Variants in ARHGAP27 observed in about 807,000 individuals in gnomAD.
The protein encoded by ARHGAP27 is Rho GTPase activating protein 27.
In ARHGAP27, 53 loss-of-function variants were observed where a neutral mutation model predicts 102.0. The ratio of observed to expected loss-of-function variants is 0.52; its 90% CI spans 0.42 to 0.65. The LOEUF is 0.65. Among genes scored for constraint, ARHGAP27 ranks in the 30% least tolerant of loss-of-function variants. The pLI is 0.00. For missense variants in ARHGAP27, 1,117 were observed against 1,256.2 expected, an observed-to-expected ratio of 0.89 and a Z score of 1.68; for synonymous variants, 525 against 542.8, an observed-to-expected ratio of 0.97 and a Z score of 0.46.
chr17:45,405,145 C>A (rs1377966550), intron 5 of ARHGAP27, 39 bp from the exon 6 acceptor site: 1 of 1,526,018 alleles, frequency 6.6e-7, no homozygotes, highest in Admixed American at 2.0e-5. Flanking sequence ...GCTCTGAGTG[C>A]CAGTACTGCC....
chr17:45,406,946 C>T (rs1365407027), intron 4 of ARHGAP27, among the ~76,000 whole-genome samples: 1 of 152,124 alleles, frequency 6.6e-6, no homozygotes, highest in African/African-American at 2.4e-5. Flanking sequence ...AATGGAGGGG[C>T]AAAGAGAGGT....
intron 4 of ARHGAP27, among the ~76,000 whole-genome samples, chr17:45,411,512 C>T (rs2047905475): frequency 2.6e-5 from 4 of 152,168 alleles, no homozygotes; most frequent in South Asian, 2.1e-4. Flanking sequence ...GGGACAAGGA[C>T]CCCAAGCAGA....
In ARHGAP27 at chr17:45,395,509, G is replaced by C. The variant is rs1275507758; in HGVS notation, c.2617C>G (p.Gln873Glu). Residue 873 changes from glutamine (Q) to glutamate (E), a missense_variant, in exon 20 of 20, where the codon CAG (glutamine) becomes GAG (glutamate). Physicochemically the swap from Gln to Glu is conservative, Grantham distance 29. Coordinates refer to ENST00000685559, the MANE Select transcript of ARHGAP27 (RefSeq NM_001282290.2). Reference protein sequence around the residue: ...SMPMTMVFQNQVVELILQQCA... With the variant: ...SMPMTMVFQNEVVELILQQCA... ...TGCTGCAGGATGAGCTCCACCACCT[G>C]GTTCTGGAACACCATGGTCATGGGC... 1 of 1,595,490 alleles carries C rather than the reference G, an allele frequency of 6.3e-7. No homozygotes were observed. Among genetic ancestry groups the C allele is most frequent in the Non-Finnish European group, 8.5e-7 (1 of 1,170,738 alleles).
chr17:45,411,871 C>T (rs932807944), intron 4 of ARHGAP27, among the ~76,000 whole-genome samples: 1 of 152,156 alleles, frequency 6.6e-6, no homozygotes, highest in Non-Finnish European at 1.5e-5. Flanking sequence ...TGCAACCAGG[C>T]CTCAGAGACA....
intron 4 of ARHGAP27, among the ~76,000 whole-genome samples, chr17:45,413,707 G>A (rs73984393): frequency 0.026 from 3,883 of 152,192 alleles, 160 homozygotes; most frequent in African/African-American, 0.089. Context: ...CCTCCAGGGC[G>A]GGGTGGGAGC....
At chr17:45,414,058 A>G (rs2048191923) in intron 4 of ARHGAP27, among the ~76,000 whole-genome samples, 1 of 151,068 alleles carries the variant, frequency 6.6e-6, no homozygotes, top group Non-Finnish European at 1.5e-5. Flanking sequence ...GTGAACCAAG[A>G]TCGCACCATT....
chr17:45,429,147 T>TC (rs1487428653), intron 4 of ARHGAP27, among the ~76,000 whole-genome samples: 1 of 152,102 alleles, frequency 6.6e-6, no homozygotes, highest in Non-Finnish European at 1.5e-5. Context: ...AGGCCCGCAA[T>TC]CCCCCGTTCC....
At chr17:45,415,570 C>T (rs1454619231) in intron 4 of ARHGAP27, among the ~76,000 whole-genome samples, 3 of 152,184 alleles carry the variant, frequency 2.0e-5, no homozygotes, top group Non-Finnish European at 4.4e-5. Context: ...CCTCCTTCCC[C>T]GATCTTAGCA....
intron 4 of ARHGAP27, among the ~76,000 whole-genome samples, chr17:45,426,221 ACTAAACCTCTCTGAAC>A (rs1031728868): frequency 1.3e-5 from 2 of 152,068 alleles, no homozygotes; most frequent in African/African-American, 4.8e-5. Flanking sequence ...TCGTCGTGTC[ACTAAACCTCTCTGAAC>A]CTCTGTTTGT....
chr17:45,416,026 GT>G (rs1380133782), intron 4 of ARHGAP27, among the ~76,000 whole-genome samples: 1 of 147,048 alleles, frequency 6.8e-6, no homozygotes, highest in Admixed American at 6.9e-5. Context: ...GCATGCTGAA[GT>G]TTTTGTTTTT....
chr17:45,420,450 G>T (rs1471519142), intron 4 of ARHGAP27, among the ~76,000 whole-genome samples: 3 of 152,112 alleles, frequency 2.0e-5, no homozygotes, highest in African/African-American at 7.2e-5. Context: ...GGTGACTTTT[G>T]AGTTGATGGA....
At chr17:45,410,201 C>A in intron 4 of ARHGAP27, 1 of 1,532,996 alleles carries the variant, frequency 6.5e-7, no homozygotes, top group Non-Finnish European at 8.7e-7. Context: ...TAGAGGCCCA[C>A]CGGGCACCCC....
chr17:45,395,885 A>G (rs1395994064), intron 18 of ARHGAP27, 36 bp from the exon 19 acceptor site: 1 of 1,584,128 alleles, frequency 6.3e-7, no homozygotes, highest in Admixed American at 1.8e-5. Flanking sequence ...GGGAGTCGGA[A>G]CGGGAGGTAG....
At chr17:45,406,143 G>C (rs2047142330) in intron 4 of ARHGAP27, 60 bp from the exon 5 acceptor site, 6 of 1,460,014 alleles carry the variant, frequency 4.1e-6, no homozygotes, top group Non-Finnish European at 4.5e-6. Flanking sequence ...TGGTAACAGA[G>C]GTCCCCTCTG....
chr17:45,396,494 C>T lies in ARHGAP27; in HGVS notation c.2166G>A (p.Glu722=). The change falls in exon 16 of 20, where the codon GAG becomes GAA. Residue 722 remains glutamate, a synonymous_variant. Coordinates refer to ENST00000685559, the MANE Select transcript of ARHGAP27 (RefSeq NM_001282290.2). ...RFVQQCIRAV[E]ARGLDIDGLY... ...CCCCCGCAGCGCACGTACCGCGGGCCTCGACGGCGCGGATGCACTGCTGCA... is the reference window on the plus strand; with the variant it reads ...CCCCCGCAGCGCACGTACCGCGGGCTTCGACGGCGCGGATGCACTGCTGCA... 1 of 1,542,964 alleles carries T rather than the reference C, an allele frequency of 6.5e-7. No homozygotes were observed. The highest frequency in any genetic ancestry group is 8.7e-7 in the Non-Finnish European group (1 of 1,149,970).
chr17:45,404,312 A>G lies in ARHGAP27; in HGVS notation c.1436T>C (p.Val479Ala), dbSNP rs2046852661. 6.2e-7 allele frequency: 1 copy of G among 1,613,926 alleles called. No homozygotes were observed. The highest frequency in any genetic ancestry group is 1.3e-5 in the African/African-American group (1 of 74,994). The change falls in exon 9 of 20, where the codon GTT becomes GCT. Residue 479 changes from valine to alanine, a missense_variant. By Grantham distance (64) the Val-to-Ala change is moderately conservative (BLOSUM62 0). This residue lies in a region of ARHGAP27 where 610 missense variants were observed against 716.4 expected (regional missense o/e 0.85). Coordinates refer to ENST00000685559, the MANE Select transcript of ARHGAP27 (RefSeq NM_001282290.2). ...EEKVPAELDE[V>A]GSWEEVSPAT... ...AGGAGAGACTTCCTCCCAGCTCCCA[A>G]CCTCATCCAGCTCTGCTGGGACCTA...
In ARHGAP27 at chr17:45,411,453, C is replaced by T. The variant is rs529629341; in HGVS notation, c.658-5370G>A. Among the ~76,000 whole-genome samples the T allele has an allele frequency of 4.6e-5, 7 of 152,142 alleles. No individual in the cohort carries two copies. The South Asian group carries it at 1.5e-3, about 32-fold the overall frequency. ...GCCCCCACCCTGGATCTCTTTTTCT[C>T]CCCTGCCATGTCTCTCAGCCCCTCT... On this transcript the variant is annotated intron_variant, in intron 4 of 19. Transcript: ENST00000685559.
Position 45,417,753 on chromosome 17 carries a change from C to CAAA in ARHGAP27, c.658-11673_658-11671dup, listed in dbSNP as rs34796153. On this transcript the variant is annotated intron_variant, in intron 4 of 19. Coordinates refer to ENST00000685559, the MANE Select transcript of ARHGAP27 (RefSeq NM_001282290.2). ...TGGGTGACAGAGCAAGATTCTGTCT[C>CAAA]AAAAAAAAAAAAAATTTTGGCCGGG... 3.1e-3 allele frequency among the ~76,000 whole-genome samples: 382 copies of CAAA among 121,472 alleles called. 1 individual carries two copies. The highest frequency in any genetic ancestry group is 0.011 in the African/African-American group (339 of 31,880). The allele number at this position is 121,472 out of a possible 152,430, so 79.7% of individuals were successfully genotyped here.
chr17:45,400,818 G>A (rs1341360864), intron 12 of ARHGAP27, among the ~76,000 whole-genome samples: 1 of 152,142 alleles, frequency 6.6e-6, no homozygotes, highest in Non-Finnish European at 1.5e-5. Context: ...GGGACGCTGA[G>A]GCAGGAGACT....
Sources: gnomAD v4.1 joint callset for allele counts (sites outside exome capture counted in the v4.1 genomes callset) on GRCh38, gnomAD v4.1.1 for gene constraint, gnomAD v4.1.1 regional missense constraint, MANE v1.5 for transcripts, NCBI Gene and HGNC (gene_info 2026-07-23, HGNC 2026-07-21) for gene names.